UBXN2A: variants seen among roughly 807,000 people sequenced by gnomAD.
UBXN2A encodes UBX domain protein 2A.
UBXN2A carries 28 observed loss-of-function variants against 28.4 expected under a neutral mutation model. The ratio of observed to expected loss-of-function variants is 0.99; its 90% CI spans 0.73 to 1.35. The LOEUF (loss-of-function observed/expected upper bound fraction) is 1.35. Among genes scored for constraint, UBXN2A ranks in the 40% most tolerant of loss-of-function variants. UBXN2A has a pLI of 0.00. For missense variants in UBXN2A, 253 were observed against 297.9 expected, an observed-to-expected ratio of 0.85 and a Z score of 1.11; for synonymous variants, 97 against 103.6, an observed-to-expected ratio of 0.94 and a Z score of 0.39.
chr2:23,997,078 C>G (rs1029125706), intron 6 of UBXN2A: 1 of 152,190 alleles, frequency 6.6e-6, no homozygotes, highest in Non-Finnish European at 1.5e-5. Flanking sequence ...TGTGCCACTG[C>G]GCCCAGTGCT....
chr2:23,947,020 C>T (rs1319231927), intron 1 of UBXN2A, among the ~76,000 whole-genome samples: 1 of 151,704 alleles, frequency 6.6e-6, no homozygotes, highest in Admixed American at 6.6e-5. Context: ...CCTGACTAGC[C>T]AGGACTACAG....
At chr2:23,997,973 A>G (rs1708605883) in intron 6 of UBXN2A, among the ~76,000 whole-genome samples, 1 of 151,712 alleles carries the variant, frequency 6.6e-6, no homozygotes, top group South Asian at 2.1e-4. Context: ...CACCACACCC[A>G]GATAATTTTT....
intron 1 of UBXN2A, among the ~76,000 whole-genome samples, chr2:23,949,574 TA>T (rs1487240958): frequency 6.8e-6 from 1 of 147,624 alleles, no homozygotes; most frequent in Non-Finnish European, 1.5e-5. Flanking sequence ...ATAATAAAAA[TA>T]AAAATAAGTT....
chr2:23,999,694 A>G lies in UBXN2A; in HGVS notation c.607A>G (p.Ile203Val), dbSNP rs746903338. The G allele has an allele frequency of 6.2e-7, 1 of 1,613,798 alleles. No individual in the cohort carries two copies. Among genetic ancestry groups the G allele is most frequent in the Non-Finnish European group, 8.5e-7 (1 of 1,179,946 alleles). The change falls in exon 7 of 7, where the codon ATT (isoleucine) becomes GTT (valine). Residue 203 changes from isoleucine to valine, a missense_variant. By Grantham distance (29) the Ile-to-Val change is conservative. Transcript: ENST00000309033. ...CAGAGTAAGCCATATCAAAGACTTC[A>G]TTGAAAAATACCAAGGATCTCAAAG... ...THRVSHIKDFIEKYQGSQRSP... is the reference protein window; with the variant it reads ...THRVSHIKDFVEKYQGSQRSP...
chr2:23,930,680 T>C (rs2150781376), intron 1 of UBXN2A, among the ~76,000 whole-genome samples: 1 of 152,008 alleles, frequency 6.6e-6, no homozygotes. Context: ...GCTGGTCACA[T>C]AGTGACACCC....
intron 6 of UBXN2A, among the ~76,000 whole-genome samples, chr2:23,990,163 A>G (rs986070513): frequency 4.0e-5 from 6 of 150,570 alleles, no homozygotes; most frequent in African/African-American, 1.5e-4. Flanking sequence ...ACACATCATC[A>G]CCCCAGGGCA....
At chr2:23,965,041 C>G (rs1044903678) in intron 2 of UBXN2A, among the ~76,000 whole-genome samples, 1 of 152,072 alleles carries the variant, frequency 6.6e-6, no homozygotes, top group African/African-American at 2.4e-5. Context: ...CCATACCTGG[C>G]TAATTTTTCG....
intron 4 of UBXN2A, among the ~76,000 whole-genome samples, chr2:23,980,142 C>T (rs1171003435): frequency 2.0e-5 from 3 of 152,136 alleles, no homozygotes; most frequent in Non-Finnish European, 4.4e-5. Flanking sequence ...CCCTGCAGCC[C>T]TAACATAACC....
At chr2:23,931,267 C>CAGTAGAAACAGTA (rs1381523294) in intron 1 of UBXN2A, among the ~76,000 whole-genome samples, 1 of 151,956 alleles carries the variant, frequency 6.6e-6, no homozygotes, top group African/African-American at 2.4e-5. Flanking sequence ...GCCAACATGA[C>CAGTAGAAACAGTA]GAAACCCCAT....
intron 1 of UBXN2A, among the ~76,000 whole-genome samples, chr2:23,950,202 G>A (rs76292426): frequency 8.5e-4 from 130 of 152,134 alleles, no homozygotes; most frequent in African/African-American, 3.0e-3. Flanking sequence ...ATGCTTAGGA[G>A]GAGACTATTA....
At position 24,000,410 on chromosome 2, in the gene UBXN2A, T is replaced by G. The variant is rs1429624577; in HGVS notation, c.*543T>G. On this transcript the variant is annotated 3_prime_UTR_variant, in exon 7 of 7. Transcript: ENST00000309033. ...TACAAAAATTAGCTGGGCGTGGCGG[T>G]GCGCAACTGTAGTCCCAGCTACTCG... 2 of 152,314 alleles carry G rather than the reference T, an allele frequency of 1.3e-5. No individual in the cohort carries two copies. The highest frequency in any genetic ancestry group is 2.9e-5 in the Non-Finnish European group (2 of 68,236). 9.4% of individuals were successfully genotyped at this position (152,314 alleles called of 1,614,324 possible). A position where few individuals can be genotyped will look rare whatever the true frequency, so the allele number is the denominator to read the frequency against.
At chr2:23,969,236 A>T (rs562712995) in intron 2 of UBXN2A, among the ~76,000 whole-genome samples, 2 of 152,196 alleles carry the variant, frequency 1.3e-5, no homozygotes, top group Admixed American at 6.5e-5. Context: ...AAAAACCAGT[A>T]AAGTATTAAA....
At chr2:23,952,552 C>A (rs1246724670) in intron 1 of UBXN2A, among the ~76,000 whole-genome samples, 1 of 152,142 alleles carries the variant, frequency 6.6e-6, no homozygotes, top group African/African-American at 2.4e-5. Flanking sequence ...TCAAGCAGTT[C>A]TTCTGCCTCA....
intron 1 of UBXN2A, among the ~76,000 whole-genome samples, chr2:23,956,612 C>T (rs1706640842): frequency 6.6e-6 from 1 of 152,184 alleles, no homozygotes; most frequent in African/African-American, 2.4e-5. Flanking sequence ...CTTGGCCTCC[C>T]AAAGTGCTGG....
intron 2 of UBXN2A, among the ~76,000 whole-genome samples, chr2:23,964,633 TA>T (rs1707089940): frequency 6.6e-6 from 1 of 152,210 alleles, no homozygotes; most frequent in Admixed American, 6.5e-5. Flanking sequence ...TCAGTGGGCA[TA>T]AGGTTTCAGT....
intron 6 of UBXN2A, among the ~76,000 whole-genome samples, chr2:23,990,531 C>CCGGGGGGG (rs929108437): frequency 1.5e-5 from 1 of 66,716 alleles, no homozygotes; most frequent in Non-Finnish European, 3.1e-5. Context: ...CTTTGGGAGG[C>CCGGGGGGG]CGGGGGGGCG....
At chr2:23,991,967 GT>G (rs895625066) in intron 6 of UBXN2A, among the ~76,000 whole-genome samples, 2 of 150,776 alleles carry the variant, frequency 1.3e-5, no homozygotes, top group Non-Finnish European at 3.0e-5. Context: ...AATTTTTGGG[GT>G]TTTTTGTTTT....
At chr2:23,971,233 G>GTAAATTATTA in intron 2 of UBXN2A, 43 bp from the exon 3 acceptor site, 1 of 1,470,286 alleles carries the variant, frequency 6.8e-7, no homozygotes. Flanking sequence ...AATTTTTAGA[G>GTAAATTATTA]ACCTAATAGT....
intron 6 of UBXN2A, among the ~76,000 whole-genome samples, chr2:23,988,120 C>G (rs891313253): frequency 1.4e-5 from 1 of 70,318 alleles, no homozygotes; most frequent in African/African-American, 4.5e-5. Context: ...GAGGCTCCAT[C>G]TCAAAAAAAA....
Sources: allele counts gnomAD v4.1 joint callset (sites outside exome capture counted in the v4.1 genomes callset), GRCh38; gene constraint gnomAD v4.1.1; transcripts MANE v1.5; gene names NCBI Gene and HGNC (gene_info 2026-07-23, HGNC 2026-07-21).